The following ARHGAP32 variants were observed in gnomAD, a reference collection of about 807,000 sequenced individuals.
ARHGAP32 encodes the protein rho GTPase-activating protein 32.
In ARHGAP32, 51 loss-of-function variants were observed where a neutral mutation model predicts 186.5. That is an observed-to-expected ratio of 0.27 (90% confidence interval 0.22 to 0.35). The LOEUF (loss-of-function observed/expected upper bound fraction) is 0.35, where lower values mean the gene tolerates loss of function less well. ARHGAP32 is among the 10% of genes least tolerant of loss of function. The pLI is 1.00. For missense variants in ARHGAP32, 2,186 were observed against 2,623.5 expected, an observed-to-expected ratio of 0.83 and a Z score of 3.64; for synonymous variants, 950 against 964.3, an observed-to-expected ratio of 0.99 and a Z score of 0.27.
At chr11:129,108,046 A>C (rs1037748119) in intron 5 of ARHGAP32, among the ~76,000 whole-genome samples, 3 of 152,194 alleles carry the variant, frequency 2.0e-5, no homozygotes, top group African/African-American at 7.2e-5. Flanking sequence ...TCAAAATGTC[A>C]CTAATTCAAT....
intron 1 of ARHGAP32, among the ~76,000 whole-genome samples, chr11:129,205,753 G>C (rs1399506491): frequency 6.6e-6 from 1 of 152,004 alleles, no homozygotes; most frequent in Non-Finnish European, 1.5e-5. Flanking sequence ...TTCTGGAAAA[G>C]GAAACAAAAT....
chr11:129,069,952 T>C (rs1565406774), intron 6 of ARHGAP32, among the ~76,000 whole-genome samples: 1 of 151,998 alleles, frequency 6.6e-6, no homozygotes. Flanking sequence ...CTTTAGGAAA[T>C]AGAGAGTGTT....
chr11:129,105,990 A>G (rs1389083403), intron 5 of ARHGAP32, among the ~76,000 whole-genome samples: 1 of 152,206 alleles, frequency 6.6e-6, no homozygotes, highest in African/African-American at 2.4e-5. Context: ...TACAATAACT[A>G]AAGTTAAAAT....
intron 22 of ARHGAP32, chr11:128,971,360 T>A (rs1327833026): frequency 1.6e-5 from 8 of 512,572 alleles, no homozygotes; most frequent in Admixed American, 3.5e-5. Flanking sequence ...GTATTATCTT[T>A]GGAGAACCAT....
At chr11:129,054,271 A>G (rs1360897949) in intron 10 of ARHGAP32, among the ~76,000 whole-genome samples, 1 of 152,160 alleles carries the variant, frequency 6.6e-6, no homozygotes, top group Non-Finnish European at 1.5e-5. Context: ...GATGTGCTTT[A>G]CGGAAGATTT....
intron 13 of ARHGAP32, 86 bp from the exon 14 acceptor site, chr11:128,986,754 A>G: frequency 7.4e-7 from 1 of 1,344,822 alleles, no homozygotes; most frequent in Non-Finnish European, 1.0e-6. Context: ...AAGCTCCAAA[A>G]GTGTTCAGCT....
At chr11:129,248,364 G>C (rs368528851) in intron 1 of ARHGAP32, among the ~76,000 whole-genome samples, 1 of 151,974 alleles carries the variant, frequency 6.6e-6, no homozygotes, top group South Asian at 2.1e-4. Flanking sequence ...ACTTCCTTGC[G>C]ATGCGATGCA....
chr11:129,029,816 A>AAAC (rs1555075679), intron 11 of ARHGAP32, among the ~76,000 whole-genome samples: 1 of 150,426 alleles, frequency 6.6e-6, no homozygotes, highest in Non-Finnish European at 1.5e-5. Context: ...AAAAAAAAAA[A>AAAC]AAAAAAAAAA....
Position 128,981,551 on chromosome 11 carries a change from T to C in ARHGAP32, c.1645A>G (p.Ile549Val). 1.2e-6 allele frequency: 2 copies of C among 1,610,944 alleles called. No individual in the cohort carries two copies. Among genetic ancestry groups the C allele is most frequent in the Non-Finnish European group, 8.5e-7 (1 of 1,177,850 alleles). Residue 549 changes from isoleucine to valine, a missense_variant, in exon 17 of 23, where the codon ATA (isoleucine) becomes GTA (valine). Ile to Val is a conservative substitution (Grantham distance 29). Transcript: ENST00000682385. ...GTTCCACTGAAGCAGGCAGATTCTA[T>C]CTGTTTTGATCTGTGAGGTAAACAT... Reference protein sequence around the residue: ...WAPNLLRSKQIESACFSGTAA... With the variant: ...WAPNLLRSKQVESACFSGTAA...
At chr11:129,181,014 T>C (rs541366899) in intron 1 of ARHGAP32, among the ~76,000 whole-genome samples, 2 of 152,236 alleles carry the variant, frequency 1.3e-5, no homozygotes, top group South Asian at 2.1e-4. Flanking sequence ...TCCAAGCGGA[T>C]TTCCTTCTCA....
At chr11:129,011,036 C>G (rs926143174) in intron 11 of ARHGAP32, among the ~76,000 whole-genome samples, 2 of 152,132 alleles carry the variant, frequency 1.3e-5, no homozygotes, top group East Asian at 1.9e-4. Context: ...AGGAACTGCT[C>G]TAAGTCATGA....
At chr11:129,117,772 C>G (rs556025841) in intron 5 of ARHGAP32, among the ~76,000 whole-genome samples, 3 of 151,786 alleles carry the variant, frequency 2.0e-5, no homozygotes, top group East Asian at 1.9e-4. Context: ...CTTTTCCCCC[C>G]CTACACACTA....
intron 2 of ARHGAP32, among the ~76,000 whole-genome samples, chr11:129,137,623 C>G (rs1044816366): frequency 6.6e-6 from 1 of 151,798 alleles, no homozygotes; most frequent in Non-Finnish European, 1.5e-5. Flanking sequence ...TTAAAGCAAA[C>G]AAATAGTTGT....
At chr11:129,058,188 T>TACACACAC (rs58479028) in intron 10 of ARHGAP32, among the ~76,000 whole-genome samples, 40 of 133,918 alleles carry the variant, frequency 3.0e-4, no homozygotes, top group South Asian at 1.5e-3. Context: ...AAAAAAAATA[T>TACACACAC]ACACACACAC....
rs1190436313 is a variant in ARHGAP32, at chr11:128,972,478, T to C, written c.4028A>G (p.Asn1343Ser). 1 of 1,521,666 alleles carries C rather than the reference T, an allele frequency of 6.6e-7. No individual in the cohort carries two copies. The highest frequency in any genetic ancestry group is 1.3e-5 in the South Asian group (1 of 75,656). 94.3% of individuals were successfully genotyped at this position (1,521,666 alleles called of 1,614,324 possible). Residue 1343 changes from asparagine to serine, a missense_variant, in exon 22 of 23, where the codon AAT becomes AGT. Asn to Ser is a conservative substitution (Grantham distance 46). Around this residue, in one of 5 missense-constraint regions of ARHGAP32, gnomAD observed 1,502 missense variants for 1,570.0 expected, o/e 0.96. Coordinates refer to ENST00000682385, the MANE Select transcript of ARHGAP32 (RefSeq NM_001378024.1). ...CTTGTGGGAATTATTTAATCCTATA[T>C]TGGTTGCTGCTTGTACCTGCCCCAC... ...PVVGQVQAAT[N>S]IGLNNSHKVQ...
At chr11:129,061,494 T>C (rs1940501673) in intron 10 of ARHGAP32, among the ~76,000 whole-genome samples, 1 of 152,186 alleles carries the variant, frequency 6.6e-6, no homozygotes, top group Non-Finnish European at 1.5e-5. Flanking sequence ...AAGAGATTCA[T>C]TACAATAACT....
At chr11:129,037,307 T>G (rs935017659) in intron 11 of ARHGAP32, among the ~76,000 whole-genome samples, 2 of 150,408 alleles carry the variant, frequency 1.3e-5, no homozygotes, top group East Asian at 1.9e-4. Flanking sequence ...GACCAGCCTA[T>G]GCAACACAGT....
At chr11:129,132,701 A>G (rs906709352) in intron 2 of ARHGAP32, among the ~76,000 whole-genome samples, 1 of 152,230 alleles carries the variant, frequency 6.6e-6, no homozygotes, top group East Asian at 1.9e-4. Context: ...ATTACTAGCT[A>G]TATCAAAAAC....
At chr11:129,202,568 CTT>C (rs1396546160) in intron 1 of ARHGAP32, among the ~76,000 whole-genome samples, 2 of 151,930 alleles carry the variant, frequency 1.3e-5, no homozygotes, top group Admixed American at 1.3e-4. Flanking sequence ...AATAAGAAAA[CTT>C]AAACAGATTC....
Sources: allele counts gnomAD v4.1 joint callset (sites outside exome capture counted in the v4.1 genomes callset), GRCh38; gene constraint gnomAD v4.1.1; regional missense constraint gnomAD v4.1.1; transcripts MANE v1.5; gene names NCBI Gene and HGNC (gene_info 2026-07-23, HGNC 2026-07-21).